The following LRRC7 variants were observed in gnomAD, a reference collection of about 807,000 sequenced individuals.
LRRC7 encodes leucine rich repeat containing 7, also known as leucine-rich repeat-containing protein 7.
A neutral mutation model predicts 175.7 loss-of-function variants in LRRC7; 23 were observed. The observed-to-expected ratio is 0.13, with a 90% CI of 0.09 to 0.19. The LOEUF (loss-of-function observed/expected upper bound fraction) is 0.19. LRRC7 is among the 10% of genes least tolerant of loss of function. The pLI is 1.00. For synonymous variants in LRRC7, 685 were observed against 680.9 expected, an observed-to-expected ratio of 1.01 and a Z score of -0.09; for missense variants, 1,354 against 1,904.7, an observed-to-expected ratio of 0.71 and a Z score of 5.38.
intron 2 of LRRC7, among the ~76,000 whole-genome samples, chr1:69,724,774 C>A (rs1317282872): frequency 6.6e-6 from 1 of 152,100 alleles, no homozygotes; most frequent in African/African-American, 2.4e-5. Flanking sequence ...GAAAATTATA[C>A]AATTTTGTGG....
chr1:69,620,520 C>A (rs1028284517), intron 1 of LRRC7, among the ~76,000 whole-genome samples: 3 of 152,128 alleles, frequency 2.0e-5, no homozygotes, highest in African/African-American at 7.2e-5. Context: ...ATACCACTCT[C>A]ATTTATTTTC....
intron 11 of LRRC7, among the ~76,000 whole-genome samples, chr1:70,002,912 T>A (rs1383350428): frequency 6.6e-6 from 1 of 152,152 alleles, no homozygotes; most frequent in Non-Finnish European, 1.5e-5. Flanking sequence ...TATCTGGTTC[T>A]AAAAAAGAAA....
intron 7 of LRRC7, among the ~76,000 whole-genome samples, chr1:69,907,309 T>C (rs1646350903): frequency 6.6e-6 from 1 of 151,986 alleles, no homozygotes; most frequent in Admixed American, 6.6e-5. Context: ...TGAATAGGAG[T>C]GGTGAGAGAG....
intron 2 of LRRC7, among the ~76,000 whole-genome samples, chr1:69,738,226 A>T (rs1222893879): frequency 6.6e-6 from 1 of 151,984 alleles, no homozygotes; most frequent in Non-Finnish European, 1.5e-5. Context: ...CTTTGTTTAG[A>T]GGGAACGTTT....
intron 4 of LRRC7, among the ~76,000 whole-genome samples, chr1:69,805,875 T>C (rs1011728517): frequency 6.6e-6 from 1 of 151,990 alleles, no homozygotes; most frequent in Non-Finnish European, 1.5e-5. Context: ...AATCTGGTTA[T>C]GTACTAAATA....
chr1:69,804,642 TA>T (rs1362978360), intron 4 of LRRC7, among the ~76,000 whole-genome samples: 1 of 151,684 alleles, frequency 6.6e-6, no homozygotes, highest in Non-Finnish European at 1.5e-5. Context: ...TCTTCCTTTC[TA>T]AATTCTTTTT....
At chr1:69,835,685 ATTG>A (rs1681022626) in intron 6 of LRRC7, among the ~76,000 whole-genome samples, 1 of 151,952 alleles carries the variant, frequency 6.6e-6, no homozygotes, top group East Asian at 1.9e-4. Context: ...AGAAATGTCT[ATTG>A]CCATTGTCAG....
In LRRC7 at chr1:70,038,551, G is replaced by A. The variant is rs561433206; in HGVS notation, c.2727G>A (p.Leu909=). The A allele has an allele frequency of 1.9e-6, 3 of 1,614,048 alleles. No individual in the cohort carries two copies. The African/African-American group carries it at 4.0e-5, about 22-fold the overall frequency. The change falls in exon 21 of 27, where the codon TTG becomes TTA. Residue 909 remains leucine (L), a synonymous_variant. Transcript: ENST00000651989. ...AGACAACCCCCACTACCAGCCCATT[G>A]CCTGAAAGGAAAGAACATATAAAGG... The part of the protein sequence containing the change: ...KLETTPTTSP[L]PERKEHIKES...
chr1:70,056,030 A>G (rs1215829398), intron 23 of LRRC7, among the ~76,000 whole-genome samples: 4 of 152,196 alleles, frequency 2.6e-5, no homozygotes, highest in Admixed American at 1.3e-4. Flanking sequence ...CAGAAAGAGT[A>G]ATAGGTGGAA....
At chr1:69,885,469 T>A (rs955578100) in intron 7 of LRRC7, among the ~76,000 whole-genome samples, 1 of 143,508 alleles carries the variant, frequency 7.0e-6, no homozygotes, top group African/African-American at 2.8e-5. Context: ...GATATCCCCT[T>A]TATCATTTTT....
At position 70,076,106 on chromosome 1, in the gene LRRC7, G is replaced by A. The variant is rs760760398; in HGVS notation, c.4260G>A (p.Gly1420=). The part of the protein sequence containing the change: ...KAGSHIQTLM[G]SQSLQHRSRE... The stretch of plus-strand genomic sequence containing the variant: ...GCAGCCACATCCAGACGTTGATGGG[G>A]TCCCAAAGCCTTCAGCATCGCAGCC... Residue 1420 remains glycine, a synonymous_variant, in exon 24 of 27, where the codon GGG becomes GGA. Coordinates refer to ENST00000651989, the MANE Select transcript of LRRC7 (RefSeq NM_001370785.2). 6 of 1,613,800 alleles carry A rather than the reference G, an allele frequency of 3.7e-6. No individual in the cohort carries two copies. The highest frequency in any genetic ancestry group is 3.3e-5 in the South Asian group (3 of 91,072).
At chr1:69,922,117 G>A (rs1646908535) in intron 7 of LRRC7, among the ~76,000 whole-genome samples, 1 of 152,034 alleles carries the variant, frequency 6.6e-6, no homozygotes, top group African/African-American at 2.4e-5. Context: ...GAGAGACGGG[G>A]GTTTCACCAT....
chr1:70,013,960 A>G, intron 13 of LRRC7: 1 of 152,044 alleles, frequency 6.6e-6, no homozygotes, highest in East Asian at 1.9e-4. Flanking sequence ...GTTTAAGGAA[A>G]AATGTGAACT....
chr1:70,089,793 G>C lies in LRRC7; in HGVS notation c.4519G>C (p.Gly1507Arg). 1 of 1,608,364 alleles carries C rather than the reference G, an allele frequency of 6.2e-7. No homozygotes were observed. Among genetic ancestry groups the C allele is most frequent in the Non-Finnish European group, 8.5e-7 (1 of 1,176,244 alleles). Residue 1507 changes from glycine (G) to arginine (R), a missense_variant, in exon 25 of 27, where the codon GGA (glycine) becomes CGA (arginine). Gly to Arg is a moderately radical substitution (Grantham distance 125). Transcript: ENST00000651989. The part of the protein sequence containing the change: ...FSISGGISGQ[G>R]NPFKPSDKGI... ...TATCAGTGGTGGAATTAGTGGACAA[G>C]GAAATCCATTCAAACCTTCTGACAA...
chr1:69,757,097 T>A (rs1557688614), intron 2 of LRRC7, among the ~76,000 whole-genome samples: 1 of 151,968 alleles, frequency 6.6e-6, no homozygotes, highest in Non-Finnish European at 1.5e-5. Flanking sequence ...AGAATGGGAA[T>A]GTACAAGAGA....
chr1:69,883,452 G>A (rs2101619424), intron 7 of LRRC7, among the ~76,000 whole-genome samples: 1 of 107,580 alleles, frequency 9.3e-6, no homozygotes, highest in South Asian at 2.8e-4. Flanking sequence ...CCCACTTTTT[G>A]ATGGGGTTGT....
intron 7 of LRRC7, among the ~76,000 whole-genome samples, chr1:69,893,148 A>G (rs886658409): frequency 2.0e-5 from 3 of 152,214 alleles, no homozygotes; most frequent in African/African-American, 7.2e-5. Context: ...GAAATAATCA[A>G]TGGGTTTCAT....
rs747932197 is a variant in LRRC7 at position 70,124,168 on chromosome 1, T to C, written c.*2281T>C. On this transcript the variant is annotated 3_prime_UTR_variant, in exon 27 of 27. Coordinates refer to ENST00000651989, the MANE Select transcript of LRRC7 (RefSeq NM_001370785.2). ...GACCAACTGGAAAAGTTATCTGATATGCCAAAGCACCTCACTGTCAATAGT... is the reference window on the plus strand; with the variant it reads ...GACCAACTGGAAAAGTTATCTGATACGCCAAAGCACCTCACTGTCAATAGT... 3.3e-5 allele frequency among the ~76,000 whole-genome samples: 5 copies of C among 152,204 alleles called. No homozygotes were observed. The highest frequency in any genetic ancestry group is 4.8e-5 in the African/African-American group (2 of 41,454).
At chr1:69,754,062 C>T (rs1173759433) in intron 2 of LRRC7, among the ~76,000 whole-genome samples, 1 of 151,962 alleles carries the variant, frequency 6.6e-6, no homozygotes, top group Admixed American at 6.6e-5. Flanking sequence ...AGTGTGGTAC[C>T]TGGCCAGGTT....
Sources: allele counts gnomAD v4.1 joint callset (sites outside exome capture counted in the v4.1 genomes callset), GRCh38; gene constraint gnomAD v4.1.1; transcripts MANE v1.5; gene names NCBI Gene and HGNC (gene_info 2026-07-23, HGNC 2026-07-21).